The following CYFIP1 variants were observed in gnomAD, a reference collection of about 807,000 sequenced individuals.
CYFIP1 encodes the protein cytoplasmic FMR1 interacting protein 1.
A neutral mutation model predicts 163.5 loss-of-function variants in CYFIP1; 58 were observed. That is an observed-to-expected ratio of 0.35 (90% CI 0.29 to 0.44). The LOEUF is 0.44. CYFIP1 is among the 20% of genes least tolerant of loss of function. The probability of loss-of-function intolerance (pLI) is 1.00; values close to 1 mark genes in which losing one functional copy is unlikely to be tolerated. For synonymous variants in CYFIP1, 663 were observed against 660.7 expected, an observed-to-expected ratio of 1.00 and a Z score of -0.05; for missense variants, 1,338 against 1,653.8, an observed-to-expected ratio of 0.81 and a Z score of 3.31.
intron 1 of CYFIP1, among the ~76,000 whole-genome samples, chr15:22,957,984 T>G (rs1244677917): frequency 6.6e-6 from 1 of 152,200 alleles, no homozygotes; most frequent in Non-Finnish European, 1.5e-5. Flanking sequence ...TTAAACGGCC[T>G]GACCGCACGG....
At chr15:22,887,717 G>A (rs1484815970) in intron 23 of CYFIP1, among the ~76,000 whole-genome samples, 1 of 152,182 alleles carries the variant, frequency 6.6e-6, no homozygotes, top group Non-Finnish European at 1.5e-5. Context: ...CAGCAGATGT[G>A]ACTTAACTAC....
intron 1 of CYFIP1, among the ~76,000 whole-genome samples, chr15:22,966,223 G>A (rs1394774939): frequency 1.3e-5 from 2 of 151,746 alleles, no homozygotes; most frequent in African/African-American, 2.4e-5. Flanking sequence ...GCGTGGTGGC[G>A]TGGGCCTGTA....
chr15:22,891,209 G>C (rs2141944121), intron 23 of CYFIP1, among the ~76,000 whole-genome samples: 1 of 152,246 alleles, frequency 6.6e-6, no homozygotes, highest in East Asian at 1.9e-4. Context: ...CAGATCACCT[G>C]AGGTCAGGAG....
rs981474788 is a variant in CYFIP1 at position 22,867,214 on chromosome 15, T to C, written c.*2814A>G. 3 of 412,944 alleles carry C rather than the reference T, an allele frequency of 7.3e-6. No individual in the cohort carries two copies. Among genetic ancestry groups the C allele is most frequent in the Non-Finnish European group, 1.3e-5 (3 of 235,100 alleles). The allele number at this position is 412,944 out of a possible 1,614,324, so 25.6% of individuals were successfully genotyped here. Reference sequence around the variant, plus strand: ...TTGTCATCCCCACTCCATCAATCCCTGACCATGTAAGGCTTTTTTATTTTA... The same window carrying C: ...TTGTCATCCCCACTCCATCAATCCCCGACCATGTAAGGCTTTTTTATTTTA... On this transcript the variant is annotated 3_prime_UTR_variant, in exon 31 of 31. Transcript: ENST00000617928.
chr15:22,968,344 C>T (rs1345068017), intron 1 of CYFIP1, among the ~76,000 whole-genome samples: 1 of 152,134 alleles, frequency 6.6e-6, no homozygotes, highest in Non-Finnish European at 1.5e-5. Context: ...ACAAATTACC[C>T]TCCATAATTT....
chr15:22,922,365 A>G (rs974396420), intron 13 of CYFIP1, among the ~76,000 whole-genome samples: 2 of 152,194 alleles, frequency 1.3e-5, no homozygotes, highest in African/African-American at 4.8e-5. Flanking sequence ...GGTGAGCCAC[A>G]ATTTGTGTGT....
Position 22,944,622 on chromosome 15 carries a change from T to C in CYFIP1, c.323A>G (p.Tyr108Cys). Reference sequence around the variant, plus strand: ...CTCCAGAACCTCCACGGTTTTCTCGTAGATTTCCACTCTGTTAGGCTGCTC... The same window carrying C: ...CTCCAGAACCTCCACGGTTTTCTCGCAGATTTCCACTCTGTTAGGCTGCTC... Reference protein sequence around the residue: ...CNEQPNRVEIYEKTVEVLEPE... With the variant: ...CNEQPNRVEICEKTVEVLEPE... The change falls in exon 5 of 31, where the codon TAC (tyrosine) becomes TGC (cysteine). Residue 108 changes from tyrosine to cysteine, a missense_variant. Physicochemically the swap from Tyr to Cys is radical, Grantham distance 194. This residue lies in a region of CYFIP1 where 186 missense variants were observed against 288.3 expected (regional missense o/e 0.65). Transcript: ENST00000617928. 1 of 1,614,002 alleles carries C rather than the reference T, an allele frequency of 6.2e-7. No homozygotes were observed. Among genetic ancestry groups the C allele is most frequent in the Non-Finnish European group, 8.5e-7 (1 of 1,179,856 alleles).
At chr15:22,870,823 T>C (rs982316203) in intron 30 of CYFIP1, among the ~76,000 whole-genome samples, 2 of 152,200 alleles carry the variant, frequency 1.3e-5, no homozygotes, top group Non-Finnish European at 2.9e-5. Context: ...GCCAGTCAAC[T>C]AACACAAGTT....
At chr15:22,871,442 AAAC>A (rs1428418015) in intron 30 of CYFIP1, among the ~76,000 whole-genome samples, 1 of 152,212 alleles carries the variant, frequency 6.6e-6, no homozygotes. Flanking sequence ...GAGCTGAAGT[AAAC>A]AAGTTAACTA....
chr15:22,926,200 A>C, intron 12 of CYFIP1, 93 bp from the exon 13 acceptor site: 1 of 1,569,760 alleles, frequency 6.4e-7, no homozygotes, highest in Non-Finnish European at 8.7e-7. Context: ...AAGCCAGGCC[A>C]GCCTTCAAAC....
At chr15:22,947,687 C>A (rs2062107298) in intron 1 of CYFIP1, among the ~76,000 whole-genome samples, 1 of 152,164 alleles carries the variant, frequency 6.6e-6, no homozygotes, top group African/African-American at 2.4e-5. Flanking sequence ...GCCACATCTG[C>A]CCAGCAGAGC....
intron 11 of CYFIP1, among the ~76,000 whole-genome samples, chr15:22,930,516 G>T (rs2061506873): frequency 6.6e-6 from 1 of 151,820 alleles, no homozygotes; most frequent in Non-Finnish European, 1.5e-5. Context: ...CCACACACAT[G>T]ATGGTGCTCC....
chr15:22,890,123 G>GA (rs200234040), intron 23 of CYFIP1, among the ~76,000 whole-genome samples: 3 of 151,080 alleles, frequency 2.0e-5, no homozygotes, highest in African/African-American at 7.3e-5. Flanking sequence ...CCAACATGGT[G>GA]AAACCCCATC....
intron 1 of CYFIP1, among the ~76,000 whole-genome samples, chr15:22,970,064 A>G (rs1250833723): frequency 2.0e-5 from 3 of 152,212 alleles, no homozygotes; most frequent in Non-Finnish European, 4.4e-5. Flanking sequence ...ATACAAAAGC[A>G]ACATGTAAAA....
intron 12 of CYFIP1, 64 bp from the exon 13 acceptor site, chr15:22,926,171 A>C (rs2061351189): frequency 1.9e-6 from 3 of 1,602,340 alleles, no homozygotes; most frequent in Non-Finnish European, 2.6e-6. Flanking sequence ...TTCTGGTCTG[A>C]CTCACACGAT....
chr15:22,929,631 C>CAAAAAAAAAA lies in CYFIP1; in HGVS notation c.1111-1613_1111-1604dup, dbSNP rs35408380. Among the ~76,000 whole-genome samples the CAAAAAAAAAA allele has an allele frequency of 2.4e-3, 101 of 42,266 alleles. 2 individuals are homozygous for CAAAAAAAAAA. The highest frequency in any genetic ancestry group is 0.011 in the African/African-American group (94 of 8,940). 27.7% of individuals were successfully genotyped at this position (42,266 alleles called of 152,430 possible). A position where few individuals can be genotyped will look rare whatever the true frequency, so the allele number is the denominator to read the frequency against. On this transcript the variant is annotated intron_variant, in intron 11 of 30. Transcript: ENST00000617928. Reference sequence around the variant, plus strand: ...TGGGCAACAGAGAGAGACTCTGTCTCAAAAAAAAAAAAAAAAAAAAAAGGC... The same window carrying CAAAAAAAAAA: ...TGGGCAACAGAGAGAGACTCTGTCTCAAAAAAAAAAAAAAAAAAAAAAAAAAAAAAAAGGC...
Position 22,943,681 on chromosome 15 carries a change from T to G in CYFIP1, c.388-327A>C, listed in dbSNP as rs144679586. 1.6e-4 allele frequency among the ~76,000 whole-genome samples: 24 copies of G among 152,330 alleles called. 1 individual carries two copies. In the East Asian group the frequency reaches 4.6e-3, roughly 29 times the overall value. On this transcript the variant is annotated intron_variant, in intron 5 of 30. Transcript: ENST00000617928. ...ATTCAGATGTTCTAACTTTCAGAAG[T>G]GAAAACTGGGAGAGATTTTTTTCCT... is the stretch of plus-strand genomic sequence containing the variant.
chr15:22,875,885 C>CATACATACATATATATATAT (rs56999943), intron 26 of CYFIP1, among the ~76,000 whole-genome samples: 30 of 130,848 alleles, frequency 2.3e-4, no homozygotes, highest in South Asian at 4.9e-4. Context: ...TCCAGAATAA[C>CATACATACATATATATATAT]ATATATATAT....
intron 13 of CYFIP1, among the ~76,000 whole-genome samples, chr15:22,919,992 A>G (rs190279879): frequency 6.6e-6 from 1 of 152,004 alleles, no homozygotes; most frequent in Non-Finnish European, 1.5e-5. Context: ...ACTGCTCTCC[A>G]GCCTGGGTGA....
Sources: allele counts gnomAD v4.1 joint callset (sites outside exome capture counted in the v4.1 genomes callset), GRCh38; gene constraint gnomAD v4.1.1; regional missense constraint gnomAD v4.1.1; transcripts MANE v1.5; gene names NCBI Gene and HGNC (gene_info 2026-07-23, HGNC 2026-07-21).